LARGE1: variants seen among roughly 807,000 people sequenced by gnomAD.
LARGE1 encodes xylosyl- and glucuronyltransferase LARGE1.
A neutral mutation model predicts 87.6 loss-of-function variants in LARGE1; 43 were observed. That is an observed-to-expected ratio of 0.49 (90% CI 0.38 to 0.63). LARGE1 has a LOEUF of 0.63. Among genes scored for constraint, LARGE1 ranks in the 30% least tolerant of loss-of-function variants. The probability of loss-of-function intolerance (pLI) is 0.00; values close to 1 mark genes in which losing one functional copy is unlikely to be tolerated. For missense variants in LARGE1, 802 were observed against 1,000.2 expected (o/e 0.80, Z 2.67); for synonymous variants, 434 against 394.6 (o/e 1.10, Z -1.18).
chr22:33,804,625 T>G (rs1209483199), intron 1 of LARGE1, among the ~76,000 whole-genome samples: 1 of 152,208 alleles, frequency 6.6e-6, no homozygotes, highest in Non-Finnish European at 1.5e-5. Flanking sequence ...CTGTGTGTTT[T>G]GGGTACCTTG....
At chr22:33,402,657 C>T (rs576405604) in intron 7 of LARGE1, among the ~76,000 whole-genome samples, 5 of 152,238 alleles carry the variant, frequency 3.3e-5, no homozygotes, top group South Asian at 2.1e-4. Context: ...AATAAGATAA[C>T]GAAATACTCA....
chr22:33,584,439 G>C (rs1261631946), intron 5 of LARGE1, among the ~76,000 whole-genome samples: 1 of 152,106 alleles, frequency 6.6e-6, no homozygotes, highest in Non-Finnish European at 1.5e-5. Context: ...GCTGGTAGCT[G>C]ATTGGTACTA....
At position 33,274,327 on chromosome 22, in the gene LARGE1, G is replaced by T. The variant is rs567278765; in HGVS notation, c.*100C>A. On this transcript the variant is annotated 3_prime_UTR_variant, in exon 15 of 15. Coordinates refer to ENST00000397394, the MANE Select transcript of LARGE1 (RefSeq NM_133642.5). Reference sequence around the variant, plus strand: ...CCAAAGAGATAAATAAAAACAAACCGAAAAAGCATGGCTCAATTTTGAATT... The same window carrying T: ...CCAAAGAGATAAATAAAAACAAACCTAAAAAGCATGGCTCAATTTTGAATT... 2.6e-4 allele frequency: 333 copies of T among 1,298,076 alleles called. 1 individual carries two copies. The African/African-American group carries it at 4.1e-3, about 16-fold the overall frequency. The allele number at this position is 1,298,076 out of a possible 1,614,324, so 80.4% of individuals were successfully genotyped here. A position where few individuals can be genotyped will look rare whatever the true frequency, so the allele number is the denominator to read the frequency against.
intron 2 of LARGE1, among the ~76,000 whole-genome samples, chr22:33,754,935 G>A (rs1035342653): frequency 1.3e-5 from 2 of 152,142 alleles, no homozygotes; most frequent in Non-Finnish European, 2.9e-5. Flanking sequence ...AGCAGACACA[G>A]GGCTGGGGAA....
At chr22:33,766,919 T>TAC (rs2084921374) in intron 1 of LARGE1, among the ~76,000 whole-genome samples, 2 of 4,066 alleles carry the variant, frequency 4.9e-4, no homozygotes, top group Non-Finnish European at 8.4e-4. Context: ...TATACATATA[T>TAC]ATATATATAT....
chr22:33,277,249 G>A lies in LARGE1; in HGVS notation c.1884C>T (p.His628=), dbSNP rs78223631. 6.2e-6 allele frequency: 10 copies of A among 1,614,032 alleles called. No individual in the cohort carries two copies. Among genetic ancestry groups the A allele is most frequent in the Non-Finnish European group, 8.5e-6 (10 of 1,180,006 alleles). ...TGGGTGCGTGGCCTTTCGTCCAGAC[G>A]TGGTACCTGAGACACACGGAGAAAA... The part of the protein sequence containing the change: ...DMGTLFTFRY[H]VWTKGHAPTN... Residue 628 remains histidine, a synonymous_variant, in exon 14 of 15, where the codon CAC becomes CAT. Transcript: ENST00000397394.
At chr22:33,446,129 T>C (rs2067678780) in intron 6 of LARGE1, among the ~76,000 whole-genome samples, 1 of 152,304 alleles carries the variant, frequency 6.6e-6, no homozygotes, top group Non-Finnish European at 1.5e-5. Context: ...AACATGCCTA[T>C]GTAATGAAAC....
chr22:33,675,368 G>C (rs1021820442), intron 2 of LARGE1, among the ~76,000 whole-genome samples: 2 of 148,886 alleles, frequency 1.3e-5, no homozygotes, highest in Non-Finnish European at 3.0e-5. Flanking sequence ...AGGCATGCCT[G>C]AGAAAGTGAG....
At chr22:33,447,347 A>C (rs1321642587) in intron 6 of LARGE1, among the ~76,000 whole-genome samples, 1 of 152,174 alleles carries the variant, frequency 6.6e-6, no homozygotes, top group Non-Finnish European at 1.5e-5. Context: ...GGGAGAGGTA[A>C]GGGCTGGAGA....
At chr22:33,811,149 A>C (rs2086482047) in intron 1 of LARGE1, among the ~76,000 whole-genome samples, 1 of 152,176 alleles carries the variant, frequency 6.6e-6, no homozygotes, top group Admixed American at 6.6e-5. Flanking sequence ...ATAACCCTGC[A>C]GTCTGCTCCT....
the LARGE1 span, among the ~76,000 whole-genome samples, chr22:33,071,105 A>G: frequency 6.6e-6 from 1 of 152,352 alleles, no homozygotes; most frequent in Middle Eastern, 3.4e-3. Context: ...TTTGCAAGAC[A>G]TGTTGGTATC....
At chr22:33,739,119 G>A (rs1319350622) in intron 2 of LARGE1, among the ~76,000 whole-genome samples, 2 of 152,066 alleles carry the variant, frequency 1.3e-5, no homozygotes, top group Middle Eastern at 3.4e-3. Flanking sequence ...TACATGCCTC[G>A]CAAGTTTGTC....
At chr22:33,541,007 G>A (rs1229703041) in intron 6 of LARGE1, among the ~76,000 whole-genome samples, 1 of 136,866 alleles carries the variant, frequency 7.3e-6, no homozygotes, top group Admixed American at 7.8e-5. Flanking sequence ...GTGTGGTGGT[G>A]CACACCTGTA....
intron 2 of LARGE1, among the ~76,000 whole-genome samples, chr22:33,689,213 G>A (rs561595114): frequency 1.3e-5 from 2 of 151,914 alleles, no homozygotes; most frequent in African/African-American, 2.4e-5. Flanking sequence ...ACACATGTGT[G>A]TCAGGCTGGC....
intron 1 of LARGE1, among the ~76,000 whole-genome samples, chr22:33,790,364 T>C (rs1461191235): frequency 1.3e-5 from 2 of 152,304 alleles, no homozygotes; most frequent in East Asian, 3.9e-4. Flanking sequence ...GAGAACATGC[T>C]AATACACCTG....
chr22:33,248,086 T>C (rs1445481427), intron 11 of LARGE1, among the ~76,000 whole-genome samples: 1 of 152,230 alleles, frequency 6.6e-6, no homozygotes, highest in African/African-American at 2.4e-5. Context: ...TTTCTTCTTT[T>C]TTCAAGTCTT....
intron 6 of LARGE1, among the ~76,000 whole-genome samples, chr22:33,514,466 A>T (rs577406609): frequency 1.3e-5 from 2 of 152,252 alleles, no homozygotes; most frequent in Non-Finnish European, 2.9e-5. Context: ...AAGAAAAAAC[A>T]ATGAAAATAA....
intron 6 of LARGE1, among the ~76,000 whole-genome samples, chr22:33,467,155 G>C (rs78353550): frequency 5.9e-5 from 9 of 152,192 alleles, no homozygotes; most frequent in Admixed American, 5.2e-4. Context: ...TTCCAAGAGT[G>C]AGGGCATTCC....
At chr22:33,592,834 GTTT>G (rs1214344784) in intron 5 of LARGE1, among the ~76,000 whole-genome samples, 1 of 137,896 alleles carries the variant, frequency 7.3e-6, no homozygotes, top group Non-Finnish European at 1.5e-5. Flanking sequence ...GTTTTTGTTT[GTTT>G]GTTTGTGTGT....
Sources: allele counts gnomAD v4.1 joint callset (sites outside exome capture counted in the v4.1 genomes callset), GRCh38; gene constraint gnomAD v4.1.1; transcripts MANE v1.5; gene names NCBI Gene and HGNC (gene_info 2026-07-23, HGNC 2026-07-21).